The following CDH12 variants were observed in gnomAD, a reference collection of about 807,000 sequenced individuals.
CDH12 encodes cadherin-12.
Under a neutral mutation model 74.1 loss-of-function variants are expected in CDH12, and 41 were observed. That is an observed-to-expected ratio of 0.55 (90% CI 0.43 to 0.72). The LOEUF is 0.72. Ranked by LOEUF, CDH12 falls within the 30% of genes least tolerant of loss-of-function variation. CDH12 has a pLI of 0.00. For synonymous variants in CDH12, 399 were observed against 355.0 expected (o/e 1.12, Z -1.39); for missense variants, 945 against 977.2 (o/e 0.97, Z 0.44).
chr5:22,570,435 G>A (rs1009452685), intron 1 of CDH12, among the ~76,000 whole-genome samples: 2 of 152,052 alleles, frequency 1.3e-5, no homozygotes, highest in Middle Eastern at 3.4e-3. Flanking sequence ...GTGTTCACAG[G>A]TATAAAAATA....
chr5:22,791,358 A>G (rs1747895495), intron 1 of CDH12, among the ~76,000 whole-genome samples: 1 of 152,214 alleles, frequency 6.6e-6, no homozygotes, highest in Non-Finnish European at 1.5e-5. Flanking sequence ...CAAAAGAGTA[A>G]TGATATAAGG....
intron 5 of CDH12, among the ~76,000 whole-genome samples, chr5:22,062,687 C>T (rs1741273220): frequency 6.6e-6 from 1 of 152,218 alleles, no homozygotes; most frequent in Non-Finnish European, 1.5e-5. Context: ...GTAAGTGATG[C>T]AGGAGTCAAG....
rs977347133 is a variant in CDH12 at position 21,764,140 on chromosome 5, C to G, written c.1515+838G>C. Among the ~76,000 whole-genome samples the G allele has an allele frequency of 2.0e-5, 3 of 151,886 alleles. No homozygotes were observed. In the East Asian group the frequency reaches 5.8e-4, roughly 29 times the overall value. ...CTGTAATCCCAGCACTTTGGGAGGC[C>G]GAGGCAGGCGGATCACGAGGTCAGG... On this transcript the variant is annotated intron_variant, in intron 12 of 14. Transcript: ENST00000382254.
chr5:22,587,242 G>T (rs1321569382), intron 1 of CDH12, among the ~76,000 whole-genome samples: 1 of 151,974 alleles, frequency 6.6e-6, no homozygotes, highest in Non-Finnish European at 1.5e-5. Context: ...GTATGATGGG[G>T]TATTCACTTG....
At chr5:22,666,679 A>G (rs951863565) in intron 1 of CDH12, among the ~76,000 whole-genome samples, 1 of 152,064 alleles carries the variant, frequency 6.6e-6, no homozygotes, top group Non-Finnish European at 1.5e-5. Flanking sequence ...TTCTTTCTTA[A>G]TTGATTCTTA....
intron 1 of CDH12, among the ~76,000 whole-genome samples, chr5:22,751,424 T>A (rs1049466753): frequency 6.6e-6 from 1 of 151,002 alleles, no homozygotes; most frequent in African/African-American, 2.4e-5. Context: ...CTTTTGGTCA[T>A]GTGAACATAC....
rs1266376737 is a variant in CDH12, at chr5:22,127,547, G to A, written c.-186-48685C>T. ...AAATGGTAAGGAAAGAATAGGTCAG[G>A]ACAGGAATCCAGGATGACTTTACTA... On this transcript the variant is annotated intron_variant, in intron 4 of 14. Transcript: ENST00000382254. Among the ~76,000 whole-genome samples, 5 of 151,172 alleles carry A rather than the reference G, an allele frequency of 3.3e-5. No individual in the cohort carries two copies. In the South Asian group the frequency reaches 1.0e-3, roughly 32 times the overall value.
chr5:22,674,769 G>C (rs1357264259), intron 1 of CDH12, among the ~76,000 whole-genome samples: 1 of 152,148 alleles, frequency 6.6e-6, no homozygotes, highest in Non-Finnish European at 1.5e-5. Context: ...GAGCAAAGGT[G>C]ACTTTTGTTA....
intron 1 of CDH12, among the ~76,000 whole-genome samples, chr5:22,769,834 G>A (rs1289824355): frequency 1.3e-5 from 2 of 151,856 alleles, no homozygotes; most frequent in African/African-American, 2.4e-5. Flanking sequence ...TGATAATTTG[G>A]AGTATAGAAG....
chr5:22,661,754 C>T (rs1017157542), intron 1 of CDH12, among the ~76,000 whole-genome samples: 2 of 152,110 alleles, frequency 1.3e-5, no homozygotes, highest in African/African-American at 4.8e-5. Flanking sequence ...GCCACTCTGC[C>T]ATTTACTGTA....
intron 3 of CDH12, among the ~76,000 whole-genome samples, chr5:22,272,814 C>T (rs1262704073): frequency 1.3e-5 from 2 of 152,104 alleles, no homozygotes; most frequent in African/African-American, 4.8e-5. Context: ...TTTTATGCTG[C>T]TATGAAGAAA....
At chr5:22,843,433 C>G (rs1461970501) in intron 1 of CDH12, among the ~76,000 whole-genome samples, 1 of 152,056 alleles carries the variant, frequency 6.6e-6, no homozygotes, top group Non-Finnish European at 1.5e-5. Context: ...CACTGTAAAT[C>G]ATAGAGCCAG....
At chr5:21,927,664 T>C (rs980464808) in intron 6 of CDH12, among the ~76,000 whole-genome samples, 1 of 151,958 alleles carries the variant, frequency 6.6e-6, no homozygotes, top group African/African-American at 2.4e-5. Flanking sequence ...AGGAGTAAAT[T>C]ATTAAATTAT....
intron 5 of CDH12, among the ~76,000 whole-genome samples, chr5:21,996,701 A>G (rs1478306800): frequency 3.3e-5 from 5 of 152,192 alleles, no homozygotes; most frequent in Non-Finnish European, 7.3e-5. Context: ...AAAATTTAAA[A>G]CAGTTAAAAA....
At chr5:21,962,615 G>A (rs7732955) in intron 6 of CDH12, among the ~76,000 whole-genome samples, 45,485 of 151,808 alleles carry the variant, frequency 0.3, 11,176 homozygotes, top group African/African-American at 0.68. Flanking sequence ...CTAATACACC[G>A]TAGAGAATCT....
intron 3 of CDH12, among the ~76,000 whole-genome samples, chr5:22,330,156 T>C (rs1014985569): frequency 6.6e-6 from 1 of 152,140 alleles, no homozygotes; most frequent in Non-Finnish European, 1.5e-5. Flanking sequence ...GCATCATGGA[T>C]ACCAGCTCAG....
chr5:22,648,809 C>CA (rs1227439472), intron 1 of CDH12, among the ~76,000 whole-genome samples: 1 of 151,798 alleles, frequency 6.6e-6, no homozygotes, highest in African/African-American at 2.4e-5. Flanking sequence ...ACCACTTTCT[C>CA]AAAGTGACAT....
At chr5:22,357,702 T>C (rs531726984) in intron 3 of CDH12, among the ~76,000 whole-genome samples, 1 of 152,248 alleles carries the variant, frequency 6.6e-6, no homozygotes, top group East Asian at 1.9e-4. Context: ...AAGTTTATTA[T>C]TAACAGTACA....
At chr5:22,217,251 T>A (rs1025968995) in intron 3 of CDH12, among the ~76,000 whole-genome samples, 23 of 151,968 alleles carry the variant, frequency 1.5e-4, no homozygotes, top group African/African-American at 5.5e-4. Context: ...CACGTTTCTT[T>A]AAAAGGTCAT....
Sources: allele counts gnomAD v4.1 joint callset (sites outside exome capture counted in the v4.1 genomes callset), GRCh38; gene constraint gnomAD v4.1.1; transcripts MANE v1.5; gene names NCBI Gene and HGNC (gene_info 2026-07-23, HGNC 2026-07-21).